Variants in OPHN1 observed in about 807,000 individuals in gnomAD.
OPHN1 encodes oligophrenin 1.
Under a neutral mutation model 60.7 loss-of-function variants are expected in OPHN1, and 11 were observed. The observed-to-expected ratio is 0.18, with a 90% CI of 0.11 to 0.30. OPHN1 has a LOEUF of 0.30. Ranked by LOEUF, OPHN1 falls within the 10% of genes least tolerant of loss-of-function variation. The probability of loss-of-function intolerance (pLI) is 1.00; values close to 1 mark genes in which losing one functional copy is unlikely to be tolerated. For synonymous variants in OPHN1, 226 were observed against 222.6 expected, an observed-to-expected ratio of 1.02 and a Z score of -0.14; for missense variants, 449 against 611.0, an observed-to-expected ratio of 0.73 and a Z score of 2.80.
intron 10 of OPHN1, among the ~76,000 whole-genome samples, chrX:68,205,979 A>AGAGT (rs1465775827): frequency 2.2e-5 from 2 of 91,221 alleles, no homozygotes; most frequent in African/African-American, 8.9e-5. Context: ...AGTGTGTGTG[A>AGAGT]GTGTGTGTGT....
Position 68,397,447 on chromosome X carries a change from T to G in OPHN1, c.154+35420A>C, listed in dbSNP as rs180843886. On this transcript the variant is annotated intron_variant, in intron 2 of 24. Transcript: ENST00000355520. ...TGAATCCTGACAGCCTGTTTCTGTT[T>G]GTCTTTTATGTTCTTTTTTTTTTTT... Among the ~76,000 whole-genome samples, 135 of 103,510 alleles carry G rather than the reference T, an allele frequency of 1.3e-3. 1 individual carries two copies. Among genetic ancestry groups the G allele is most frequent in the African/African-American group, 4.5e-3 (126 of 28,187 alleles). 89.9% of individuals were successfully genotyped at this position (103,510 alleles called of 115,157 possible). A position where few individuals can be genotyped will look rare whatever the true frequency, so the allele number is the denominator to read the frequency against.
chrX:68,367,262 G>A (rs1602358853), intron 2 of OPHN1, among the ~76,000 whole-genome samples: 1 of 107,547 alleles, frequency 9.3e-6, no homozygotes, highest in East Asian at 2.9e-4. Context: ...GCCGAGGCAG[G>A]AGAATCACTT....
At chrX:68,289,695 A>AACAG (rs1174245764) in intron 3 of OPHN1, among the ~76,000 whole-genome samples, 9 of 111,822 alleles carry the variant, frequency 8.0e-5, no homozygotes, top group Non-Finnish European at 3.8e-5. Flanking sequence ...CTCTACAAAA[A>AACAG]ACAAACAAAC....
intron 2 of OPHN1, among the ~76,000 whole-genome samples, chrX:68,426,207 G>C (rs569843879): frequency 9.0e-6 from 1 of 110,998 alleles, no homozygotes; most frequent in Admixed American, 9.5e-5. Flanking sequence ...TTGGGAGGCC[G>C]AGATGGGTGG....
intron 15 of OPHN1, among the ~76,000 whole-genome samples, chrX:68,164,433 T>C (rs756792298): frequency 8.9e-6 from 1 of 112,255 alleles, no homozygotes; most frequent in Non-Finnish European, 1.9e-5. Context: ...TCCTTATATA[T>C]CTCCATCAGA....
At chrX:68,258,191 G>A (rs2077873880) in intron 5 of OPHN1, among the ~76,000 whole-genome samples, 1 of 110,399 alleles carries the variant, frequency 9.1e-6, no homozygotes. Context: ...CTGACAACAA[G>A]ATAATATTCC....
At chrX:68,146,999 A>C (rs1291509267) in intron 15 of OPHN1, among the ~76,000 whole-genome samples, 1 of 112,035 alleles carries the variant, frequency 8.9e-6, no homozygotes, top group Non-Finnish European at 1.9e-5. Context: ...TTCTCCTAAG[A>C]TCTCCATAAG....
chrX:68,188,785 C>G (rs747501694), intron 15 of OPHN1, among the ~76,000 whole-genome samples: 1 of 111,322 alleles, frequency 9.0e-6, no homozygotes, highest in African/African-American at 3.3e-5. Flanking sequence ...ATCTATTTGT[C>G]CGAATATATG....
chrX:68,269,896 AAAAC>A (rs1390772444), intron 5 of OPHN1, among the ~76,000 whole-genome samples: 5 of 112,082 alleles, frequency 4.5e-5, no homozygotes, highest in Admixed American at 1.9e-4. Flanking sequence ...TTACAAGAAA[AAAAC>A]AAACAACCCC....
At chrX:68,372,698 C>T (rs745338457) in intron 2 of OPHN1, among the ~76,000 whole-genome samples, 1 of 110,771 alleles carries the variant, frequency 9.0e-6, no homozygotes. Flanking sequence ...TGTTTTGCCA[C>T]ATCTGGAAGC....
At chrX:68,143,499 T>C (rs978996036) in intron 15 of OPHN1, among the ~76,000 whole-genome samples, 21 of 110,997 alleles carry the variant, frequency 1.9e-4, no homozygotes, top group African/African-American at 6.6e-4. Context: ...TCCACAGCTG[T>C]TAATGGGGCT....
At chrX:68,185,157 G>A (rs750948926) in intron 15 of OPHN1, among the ~76,000 whole-genome samples, 16 of 112,162 alleles carry the variant, frequency 1.4e-4, no homozygotes, top group Non-Finnish European at 2.6e-4. Flanking sequence ...TTAATTACAT[G>A]TCAGTTCAGA....
At chrX:68,364,323 TTGTG>T (rs1003883913) in intron 2 of OPHN1, among the ~76,000 whole-genome samples, 10 of 112,131 alleles carry the variant, frequency 8.9e-5, no homozygotes, top group African/African-American at 3.2e-4. Context: ...TTTTGCCTAT[TTGTG>T]TGTTAGCCAG....
chrX:68,332,917 G>T (rs2078302776), intron 2 of OPHN1, among the ~76,000 whole-genome samples: 1 of 110,895 alleles, frequency 9.0e-6, no homozygotes, highest in Non-Finnish European at 1.9e-5. Flanking sequence ...CTGCCTGGAT[G>T]CAGGAATAAT....
intron 5 of OPHN1, among the ~76,000 whole-genome samples, chrX:68,274,074 T>C (rs781628868): frequency 9.0e-6 from 1 of 111,618 alleles, no homozygotes; most frequent in South Asian, 3.8e-4. Flanking sequence ...GAGGGGATAG[T>C]ACTGAACCAT....
chrX:68,380,285 T>C (rs1049244559), intron 2 of OPHN1, among the ~76,000 whole-genome samples: 1 of 111,414 alleles, frequency 9.0e-6, no homozygotes, highest in Non-Finnish European at 1.9e-5. Context: ...ATCCCCTTTA[T>C]CATTTTTTAT....
At chrX:68,396,166 C>T (rs2078682283) in intron 2 of OPHN1, among the ~76,000 whole-genome samples, 1 of 107,263 alleles carries the variant, frequency 9.3e-6, no homozygotes, top group African/African-American at 3.4e-5. Context: ...GGAATGGCGA[C>T]TCATGCCTGT....
intron 21 of OPHN1, 138 bp from the exon 22 acceptor site, chrX:68,053,948 AT>A (rs397895409): frequency 0.058 from 23,425 of 405,777 alleles, 2 homozygotes; most frequent in East Asian, 0.071. Context: ...AACTCTGGCT[AT>A]TTTTTTTTTT....
chrX:68,150,308 T>C (rs1324410765), intron 15 of OPHN1, among the ~76,000 whole-genome samples: 3 of 111,404 alleles, frequency 2.7e-5, no homozygotes, highest in Non-Finnish European at 3.8e-5. Context: ...AGTTAATATA[T>C]GAATTCCACC....
Sources: gnomAD v4.1 joint callset for allele counts (sites outside exome capture counted in the v4.1 genomes callset) on GRCh38, gnomAD v4.1.1 for gene constraint, MANE v1.5 for transcripts, NCBI Gene and HGNC (gene_info 2026-07-23, HGNC 2026-07-21) for gene names.